MACROD2: variants seen among roughly 807,000 people sequenced by gnomAD.
MACROD2 encodes mono-ADP ribosylhydrolase 2, also known as ADP-ribose glycohydrolase MACROD2.
A neutral mutation model predicts 70.4 loss-of-function variants in MACROD2; 36 were observed. The ratio of observed to expected loss-of-function variants is 0.51; its 90% CI spans 0.39 to 0.68. The LOEUF (loss-of-function observed/expected upper bound fraction) is 0.68. MACROD2 is among the 30% of genes least tolerant of loss of function. The probability of loss-of-function intolerance (pLI) is 0.00; values close to 1 mark genes in which losing one functional copy is unlikely to be tolerated. For missense variants in MACROD2, 496 were observed against 538.4 expected (o/e 0.92, Z 0.78); for synonymous variants, 172 against 178.8 (o/e 0.96, Z 0.30).
intron 8 of MACROD2, among the ~76,000 whole-genome samples, chr20:15,800,602 C>T (rs946203084): frequency 2.6e-5 from 4 of 152,100 alleles, no homozygotes; most frequent in East Asian, 3.9e-4. Flanking sequence ...CCACCCCGTC[C>T]GGGAGGTGAG....
rs374724182 is a variant in MACROD2 at position 14,303,149 on chromosome 20, C to T, written c.272-190330C>T. 2.6e-5 allele frequency among the ~76,000 whole-genome samples: 4 copies of T among 152,246 alleles called. No individual in the cohort carries two copies. In the East Asian group the frequency reaches 7.7e-4, roughly 29 times the overall value. On this transcript the variant is annotated intron_variant, in intron 3 of 17. Coordinates refer to ENST00000684519, the MANE Select transcript of MACROD2 (RefSeq NM_001351661.2). ...CATGTTGAGAATGAACTGAATTTCA[C>T]AGAGAACTTATCTTTTCAATTTTCT... is the stretch of plus-strand genomic sequence containing the variant.
intron 3 of MACROD2, among the ~76,000 whole-genome samples, chr20:14,204,885 A>G (rs1395549612): frequency 6.6e-6 from 1 of 152,048 alleles, no homozygotes; most frequent in East Asian, 1.9e-4. Flanking sequence ...CATTTTTTAA[A>G]GAACTGTAGA....
intron 8 of MACROD2, among the ~76,000 whole-genome samples, chr20:15,597,728 C>T (rs971849290): frequency 6.6e-6 from 1 of 152,216 alleles, no homozygotes; most frequent in African/African-American, 2.4e-5. Context: ...TCTCTGCCCT[C>T]TGCTTCCTCC....
In MACROD2 at chr20:15,165,183, C is replaced by T. The variant is rs115138048; in HGVS notation, c.419-64757C>T. ...AGAAAGACTTGACACCGGCTGGGTA[C>T]GGTGGCTTACGCCTGTAATCCCAGA... On this transcript the variant is annotated intron_variant, in intron 5 of 17. Transcript: ENST00000684519. Among the ~76,000 whole-genome samples the T allele has an allele frequency of 7.6e-3, 1,154 of 152,226 alleles. 14 individuals carry two copies. Among genetic ancestry groups the T allele is most frequent in the African/African-American group, 0.027 (1,101 of 41,518 alleles).
intron 8 of MACROD2, among the ~76,000 whole-genome samples, chr20:15,744,558 T>A (rs1282791649): frequency 1.3e-5 from 2 of 152,208 alleles, no homozygotes; most frequent in Non-Finnish European, 2.9e-5. Context: ...TGATTCTGGC[T>A]GCCTCCATTG....
chr20:14,917,963 G>A (rs1157164463), intron 5 of MACROD2, among the ~76,000 whole-genome samples: 3 of 151,912 alleles, frequency 2.0e-5, no homozygotes, highest in African/African-American at 7.2e-5. Flanking sequence ...TGCGGTATAC[G>A]GAAGGATTTT....
At chr20:15,163,704 A>G (rs1036121279) in intron 5 of MACROD2, among the ~76,000 whole-genome samples, 3 of 151,746 alleles carry the variant, frequency 2.0e-5, no homozygotes, top group South Asian at 4.1e-4. Context: ...TTTTTTTTTA[A>G]CATTTTTAAT....
At chr20:15,772,415 C>CCCT (rs1325662976) in intron 8 of MACROD2, among the ~76,000 whole-genome samples, 1 of 151,966 alleles carries the variant, frequency 6.6e-6, no homozygotes, top group African/African-American at 2.4e-5. Context: ...AGGGCTATAG[C>CCCT]AGAGCTAGGT....
chr20:14,240,374 A>G (rs1178614523), intron 3 of MACROD2, among the ~76,000 whole-genome samples: 1 of 152,238 alleles, frequency 6.6e-6, no homozygotes, highest in African/African-American at 2.4e-5. Context: ...ATTATGCAAA[A>G]AAGAAAATGC....
chr20:15,322,343 T>G lies in MACROD2; in HGVS notation c.540+92282T>G, dbSNP rs909867944. On this transcript the variant is annotated intron_variant, in intron 6 of 17. Coordinates refer to ENST00000684519, the MANE Select transcript of MACROD2 (RefSeq NM_001351661.2). The stretch of plus-strand genomic sequence containing the variant: ...CTGGGTGGGACGGGGATATTTACCA[T>G]GCACTCACTATGCTCCTCTGTAATG... 1.1e-4 allele frequency among the ~76,000 whole-genome samples: 16 copies of G among 143,730 alleles called. 2 individuals are homozygous for G. The highest frequency in any genetic ancestry group is 9.8e-4 in the Admixed American group (14 of 14,326). The allele number at this position is 143,730 out of a possible 152,430, so 94.3% of individuals were successfully genotyped here. A position where few individuals can be genotyped will look rare whatever the true frequency, so the allele number is the denominator to read the frequency against.
chr20:15,156,076 T>A (rs1228004785), intron 5 of MACROD2, among the ~76,000 whole-genome samples: 1 of 152,176 alleles, frequency 6.6e-6, no homozygotes, highest in East Asian at 1.9e-4. Flanking sequence ...CTTACACAGG[T>A]GCAATAAGGT....
rs141669092 is a variant in MACROD2 at position 15,927,558 on chromosome 20, G to A, written c.776-5718G>A. Among the ~76,000 whole-genome samples, 118 of 152,230 alleles carry A rather than the reference G, an allele frequency of 7.8e-4. 3 individuals carry two copies. In the East Asian group the frequency reaches 0.02, roughly 26 times the overall value. On this transcript the variant is annotated intron_variant, in intron 10 of 17. Coordinates refer to ENST00000684519, the MANE Select transcript of MACROD2 (RefSeq NM_001351661.2). ...ATAAAGTCGAATACGACGGTATGAC[G>A]TTCATGGTTATGTGTGTGAGGTGTG...
At chr20:14,454,151 G>T (rs2084273906) in intron 3 of MACROD2, among the ~76,000 whole-genome samples, 2 of 151,684 alleles carry the variant, frequency 1.3e-5, no homozygotes, top group South Asian at 2.1e-4. Flanking sequence ...ATTTTAAATT[G>T]CATTTATTAG....
At chr20:15,123,078 A>G (rs1249000800) in intron 5 of MACROD2, among the ~76,000 whole-genome samples, 3 of 152,208 alleles carry the variant, frequency 2.0e-5, no homozygotes, top group Non-Finnish European at 4.4e-5. Flanking sequence ...TTAGTTTTTC[A>G]GTAGCGATAA....
In MACROD2 at chr20:14,251,031, T is replaced by G. The variant is rs762483053; in HGVS notation, c.271+165303T>G. ...ATATTTTATAATAGTTTGATGACATTTTAAACAGATTTTGAAATCTAAACA... is the reference window on the plus strand; with the variant it reads ...ATATTTTATAATAGTTTGATGACATGTTAAACAGATTTTGAAATCTAAACA... On this transcript the variant is annotated intron_variant, in intron 3 of 17. Transcript: ENST00000684519. 2.4e-4 allele frequency among the ~76,000 whole-genome samples: 37 copies of G among 152,142 alleles called. 1 individual carries two copies. The highest frequency in any genetic ancestry group is 3.9e-4 in the Admixed American group (6 of 15,250).
At chr20:14,604,191 TCTC>T (rs1359200516) in intron 4 of MACROD2, among the ~76,000 whole-genome samples, 3 of 152,186 alleles carry the variant, frequency 2.0e-5, no homozygotes, top group Non-Finnish European at 2.9e-5. Context: ...TTTTTCCTCT[TCTC>T]CTTAATTATT....
At chr20:14,392,946 C>T (rs905874611) in intron 3 of MACROD2, among the ~76,000 whole-genome samples, 3 of 152,128 alleles carry the variant, frequency 2.0e-5, no homozygotes, top group Non-Finnish European at 2.9e-5. Flanking sequence ...CCTGTCCAGA[C>T]TGTCTGTGGT....
chr20:14,004,376 T>C (rs986190720), intron 2 of MACROD2, among the ~76,000 whole-genome samples: 5 of 152,228 alleles, frequency 3.3e-5, no homozygotes, highest in Admixed American at 2.6e-4. Flanking sequence ...TTCCCCCTTA[T>C]GCTGTTTTAA....
chr20:14,734,560 A>T (rs1269368212), intron 5 of MACROD2, among the ~76,000 whole-genome samples: 1 of 151,522 alleles, frequency 6.6e-6, no homozygotes, highest in African/African-American at 2.4e-5. Context: ...AAAAAAAACA[A>T]CCAATAACAG....
Sources: allele counts gnomAD v4.1 joint callset (sites outside exome capture counted in the v4.1 genomes callset), GRCh38; gene constraint gnomAD v4.1.1; transcripts MANE v1.5; gene names NCBI Gene and HGNC (gene_info 2026-07-23, HGNC 2026-07-21).